PDE1A: variants seen among roughly 807,000 people sequenced by gnomAD.
PDE1A encodes dual specificity calcium/calmodulin-dependent 3',5'-cyclic nucleotide phosphodiesterase 1A.
PDE1A carries 35 observed loss-of-function variants against 61.7 expected under a neutral mutation model. The ratio of observed to expected loss-of-function variants is 0.57; its 90% CI spans 0.43 to 0.75. The LOEUF is 0.75. PDE1A is among the 30% of genes least tolerant of loss of function. The pLI is 0.00. For missense variants in PDE1A, 597 were observed against 630.6 expected (o/e 0.95, Z 0.57); for synonymous variants, 232 against 213.2 (o/e 1.09, Z -0.77).
intron 13 of PDE1A, among the ~76,000 whole-genome samples, chr2:182,160,688 C>T (rs564958697): frequency 2.8e-3 from 430 of 152,186 alleles, no homozygotes; most frequent in African/African-American, 9.6e-3. Context: ...CTCAAAGCCA[C>T]GCTACAAACT....
At chr2:182,683,842 G>A in the PDE1A span, among the ~76,000 whole-genome samples, 1 of 152,062 alleles carries the variant, frequency 6.6e-6, no homozygotes, top group Non-Finnish European at 1.5e-5. Context: ...AAATGGGGCT[G>A]GGAGCGGGGG....
Position 182,317,229 on chromosome 2 carries a change from G to A in PDE1A, c.54-52815C>T, listed in dbSNP as rs984884302. ...TGCTTAATTTTTTAAGAAAGCAGAT[G>A]CTCTTGGAACATTTCTCACAAACTT... On this transcript the variant is annotated intron_variant, in intron 1 of 13. Coordinates refer to ENST00000351439, the Ensembl canonical transcript of PDE1A. 1.3e-4 allele frequency among the ~76,000 whole-genome samples: 20 copies of A among 151,668 alleles called. 1 individual carries two copies. The highest frequency in any genetic ancestry group is 4.6e-4 in the African/African-American group (19 of 41,284).
chr2:182,648,675 G>A, the PDE1A span, among the ~76,000 whole-genome samples: 3 of 150,230 alleles, frequency 2.0e-5, no homozygotes, highest in Non-Finnish European at 4.4e-5. Flanking sequence ...CACTCAGCCT[G>A]GGTGGCAGAG....
chr2:182,440,306 C>T (rs950072014), intron 2 of PDE1A, among the ~76,000 whole-genome samples: 4 of 151,970 alleles, frequency 2.6e-5, no homozygotes, highest in African/African-American at 9.7e-5. Context: ...GCCAGCTGAC[C>T]CGAGGAAGAA....
intron 1 of PDE1A, among the ~76,000 whole-genome samples, chr2:182,410,633 G>A (rs147667498): frequency 1.9e-3 from 296 of 152,268 alleles, no homozygotes; most frequent in African/African-American, 6.8e-3. Flanking sequence ...AAGAATTTCT[G>A]TCTCAAACTC....
At chr2:182,202,244 G>A (rs1359592206) in intron 8 of PDE1A, among the ~76,000 whole-genome samples, 1 of 152,162 alleles carries the variant, frequency 6.6e-6, no homozygotes, top group East Asian at 1.9e-4. Flanking sequence ...AAGGTTTGAT[G>A]TCTCAGAGAA....
chr2:182,592,688 C>T, the PDE1A span, among the ~76,000 whole-genome samples: 1 of 152,160 alleles, frequency 6.6e-6, no homozygotes, highest in African/African-American at 2.4e-5. Flanking sequence ...GAAATAATCA[C>T]AGCCACATGG....
At chr2:182,669,100 C>T in the PDE1A span, among the ~76,000 whole-genome samples, 1 of 149,556 alleles carries the variant, frequency 6.7e-6, no homozygotes, top group Non-Finnish European at 1.5e-5. Context: ...GAAGGTTGAA[C>T]TTTGAATTAA....
At chr2:182,460,603 G>A (rs1686221536) in intron 2 of PDE1A, among the ~76,000 whole-genome samples, 1 of 152,062 alleles carries the variant, frequency 6.6e-6, no homozygotes, top group South Asian at 2.1e-4. Flanking sequence ...GACTAAAGAT[G>A]ACTTTTCTTT....
At chr2:182,237,696 T>C (rs997228576) in intron 3 of PDE1A, among the ~76,000 whole-genome samples, 3 of 152,006 alleles carry the variant, frequency 2.0e-5, no homozygotes, top group Non-Finnish European at 4.4e-5. Flanking sequence ...GCAGCAATAG[T>C]GAGGAACAGC....
intron 2 of PDE1A, among the ~76,000 whole-genome samples, chr2:182,471,439 T>C (rs1456143986): frequency 6.6e-6 from 1 of 151,688 alleles, no homozygotes; most frequent in African/African-American, 2.4e-5. Context: ...TACAGAAGTC[T>C]CTTGAATTAT....
the PDE1A span, among the ~76,000 whole-genome samples, chr2:182,687,698 T>C: frequency 6.6e-6 from 1 of 151,998 alleles, no homozygotes; most frequent in African/African-American, 2.4e-5. Context: ...CTTTGATGAG[T>C]TGAGAGAAGA....
At chr2:182,576,915 C>T in the PDE1A span, among the ~76,000 whole-genome samples, 1 of 152,012 alleles carries the variant, frequency 6.6e-6, no homozygotes, top group African/African-American at 2.4e-5. Flanking sequence ...CAAGTTTTTG[C>T]CCATTTTTAT....
At chr2:182,532,142 A>T in the PDE1A span, among the ~76,000 whole-genome samples, 2 of 152,212 alleles carry the variant, frequency 1.3e-5, no homozygotes, top group East Asian at 3.8e-4. Context: ...ATACAAATGT[A>T]TACTTGGAAG....
At chr2:182,501,079 C>T (rs1001485202) in intron 2 of PDE1A, among the ~76,000 whole-genome samples, 3 of 152,154 alleles carry the variant, frequency 2.0e-5, no homozygotes, top group African/African-American at 7.2e-5. Flanking sequence ...TGCAAATTTA[C>T]AAAACAATTT....
the PDE1A span, among the ~76,000 whole-genome samples, chr2:182,634,116 C>A: frequency 1.3e-5 from 2 of 151,806 alleles, no homozygotes; most frequent in African/African-American, 4.8e-5. Context: ...AAAAAGATAA[C>A]CCCTCAATTT....
At chr2:182,420,060 G>A (rs920359501) in intron 1 of PDE1A, among the ~76,000 whole-genome samples, 2 of 151,518 alleles carry the variant, frequency 1.3e-5, no homozygotes, top group African/African-American at 4.8e-5. Flanking sequence ...AATTACTTAA[G>A]TATAATAGAA....
chr2:182,365,416 G>C (rs1254239289), intron 1 of PDE1A, among the ~76,000 whole-genome samples: 1 of 151,822 alleles, frequency 6.6e-6, no homozygotes, highest in African/African-American at 2.4e-5. Flanking sequence ...GCATAATTTT[G>C]AACCCTATAC....
the PDE1A span, among the ~76,000 whole-genome samples, chr2:182,698,166 C>A: frequency 6.6e-6 from 1 of 152,178 alleles, no homozygotes; most frequent in Non-Finnish European, 1.5e-5. Context: ...TTCTGACATG[C>A]CCTGTTGCCA....
Sources: allele counts gnomAD v4.1 joint callset (sites outside exome capture counted in the v4.1 genomes callset), GRCh38; gene constraint gnomAD v4.1.1; transcripts MANE v1.5; gene names NCBI Gene and HGNC (gene_info 2026-07-23, HGNC 2026-07-21).